The following PICALM variants were observed in gnomAD, a reference collection of about 807,000 sequenced individuals.
PICALM encodes phosphatidylinositol-binding clathrin assembly protein.
In PICALM, 40 loss-of-function variants were observed where a neutral mutation model predicts 80.5. That is an observed-to-expected ratio of 0.50 (90% CI 0.39 to 0.65). PICALM has a LOEUF of 0.65. Among genes scored for constraint, PICALM ranks in the 30% least tolerant of loss-of-function variants. PICALM has a pLI of 0.00. For synonymous variants in PICALM, 288 were observed against 260.3 expected, an observed-to-expected ratio of 1.11 and a Z score of -1.02; for missense variants, 676 against 778.9, an observed-to-expected ratio of 0.87 and a Z score of 1.57.
At chr11:86,020,424 G>GAAAAAAAA (rs34312370) in intron 4 of PICALM, among the ~76,000 whole-genome samples, 2 of 94,236 alleles carry the variant, frequency 2.1e-5, no homozygotes, top group Non-Finnish European at 4.1e-5. Context: ...ACAATCTTGG[G>GAAAAAAAA]AAAAAAAAAA....
At position 85,997,798 on chromosome 11, in the gene PICALM, T is replaced by G. The variant is rs138067556; in HGVS notation, c.1155-869A>C. ...TTTTTTTGTTGTTGTTTTGCTTTTT[T>G]TGAGACAAGAGTCTCACTCTGTTGT... On this transcript the variant is annotated intron_variant, in intron 11 of 19. Transcript: ENST00000393346. Among the ~76,000 whole-genome samples, 708 of 152,162 alleles carry G rather than the reference T, an allele frequency of 4.7e-3. 3 individuals carry two copies. The highest frequency in any genetic ancestry group is 0.016 in the African/African-American group (681 of 41,502).
At chr11:85,993,914 A>G (rs1482718833) in intron 12 of PICALM, among the ~76,000 whole-genome samples, 1 of 151,974 alleles carries the variant, frequency 6.6e-6, no homozygotes, top group Non-Finnish European at 1.5e-5. Flanking sequence ...GAGACAAGGT[A>G]TTGCTATATT....
At chr11:86,009,733 ACTAC>A (rs1225254772) in intron 7 of PICALM, among the ~76,000 whole-genome samples, 1 of 152,142 alleles carries the variant, frequency 6.6e-6, no homozygotes. Context: ...TGTAACTACA[ACTAC>A]CAAATGCAAA....
At chr11:86,036,020 T>C (rs1482081183) in intron 1 of PICALM, among the ~76,000 whole-genome samples, 1 of 151,068 alleles carries the variant, frequency 6.6e-6, no homozygotes, top group Non-Finnish European at 1.5e-5. Flanking sequence ...GCAAATTAAC[T>C]GGTTAATCAA....
rs865837693 is a variant in PICALM at position 86,061,351 on chromosome 11, A to G, written c.130+7300T>C. ...ATCTCAAAAAAAAAAAAAAAAAAAA[A>G]AAAAGAAAAGAAAAGACACATTTGA... On this transcript the variant is annotated intron_variant, in intron 1 of 19. Coordinates refer to ENST00000393346, the MANE Select transcript of PICALM (RefSeq NM_007166.4). Among the ~76,000 whole-genome samples the G allele has an allele frequency of 1.7e-3, 247 of 144,834 alleles. 2 individuals carry two copies. The highest frequency in any genetic ancestry group is 5.9e-3 in the African/African-American group (230 of 38,898).
chr11:86,018,888 T>TAAA (rs1255654900), intron 4 of PICALM, among the ~76,000 whole-genome samples: 1 of 55,672 alleles, frequency 1.8e-5, no homozygotes, highest in South Asian at 4.7e-4. Context: ...GACTCTGACT[T>TAAA]AAAAAAAAAA....
chr11:85,983,558 T>C (rs1406150276), intron 14 of PICALM, among the ~76,000 whole-genome samples: 1 of 151,832 alleles, frequency 6.6e-6, no homozygotes. Flanking sequence ...AAAAATTGTA[T>C]GCCTAAAAAG....
intron 14 of PICALM, 195 bp from the exon 15 acceptor site, chr11:85,982,198 T>G: frequency 1.9e-6 from 1 of 537,708 alleles, no homozygotes; most frequent in Non-Finnish European, 3.3e-6. Flanking sequence ...AAGGCTGTAT[T>G]TGCTTTGACA....
Position 86,015,045 on chromosome 11 carries a change from A to G in PICALM, c.453-82T>C, listed in dbSNP as rs1834072870. On this transcript the variant is annotated intron_variant, in intron 4 of 19. Coordinates refer to ENST00000393346, the MANE Select transcript of PICALM (RefSeq NM_007166.4). ...CAAACTCCCCCCCTGGTTTTCTACT[A>G]AAACAGAGAACCAAGTTGCTATGAA... is the stretch of plus-strand genomic sequence containing the variant. The G allele has an allele frequency of 9.1e-6, 7 of 771,934 alleles. No individual in the cohort carries two copies. The Admixed American group carries it at 2.2e-4, about 24-fold the overall frequency. 47.8% of individuals were successfully genotyped at this position (771,934 alleles called of 1,614,324 possible). A position where few individuals can be genotyped will look rare whatever the true frequency, so the allele number is the denominator to read the frequency against.
At chr11:85,966,626 AAAG>A (rs2093909391) in intron 19 of PICALM, among the ~76,000 whole-genome samples, 2 of 152,178 alleles carry the variant, frequency 1.3e-5, no homozygotes, top group Non-Finnish European at 2.9e-5. Context: ...TGACCCCCCA[AAAG>A]ATGTGTTGAA....
chr11:86,008,589 C>T (rs2095325518), intron 7 of PICALM, among the ~76,000 whole-genome samples: 1 of 151,522 alleles, frequency 6.6e-6, no homozygotes, highest in African/African-American at 2.4e-5. Context: ...CACCGCACTC[C>T]AGCCTGGGAA....
At chr11:86,040,209 A>G (rs937868701) in intron 1 of PICALM, among the ~76,000 whole-genome samples, 2 of 152,120 alleles carry the variant, frequency 1.3e-5, no homozygotes, top group South Asian at 2.1e-4. Context: ...ACTTTAAAAA[A>G]GGGGCTGTGG....
At chr11:86,026,159 T>C in intron 3 of PICALM, 133 bp downstream of exon 3, 1 of 593,012 alleles carries the variant, frequency 1.7e-6, no homozygotes. Context: ...AGACAGTTTT[T>C]TCTTTCCTAC....
intron 13 of PICALM, among the ~76,000 whole-genome samples, chr11:85,989,299 TTGTC>T (rs1179303658): frequency 2.6e-5 from 4 of 152,222 alleles, no homozygotes; most frequent in South Asian, 2.1e-4. Context: ...ACTTGGAACT[TTGTC>T]TGATCTACTA....
intron 1 of PICALM, among the ~76,000 whole-genome samples, chr11:86,044,245 C>T (rs1593284083): frequency 6.6e-6 from 1 of 152,122 alleles, no homozygotes; most frequent in East Asian, 1.9e-4. Context: ...TAGGAAGGAG[C>T]CCCACATAAA....
chr11:86,056,315 A>C (rs1188798707), intron 1 of PICALM, among the ~76,000 whole-genome samples: 1 of 149,692 alleles, frequency 6.7e-6, no homozygotes, highest in African/African-American at 2.5e-5. Context: ...GGTATCCAGA[A>C]TACATAAAGA....
At chr11:86,050,932 G>A (rs2096176135) in intron 1 of PICALM, among the ~76,000 whole-genome samples, 1 of 152,074 alleles carries the variant, frequency 6.6e-6, no homozygotes, top group Non-Finnish European at 1.5e-5. Flanking sequence ...AAGAAATACT[G>A]CCACCTCAGT....
chr11:85,959,995 C>T (rs1173658969), intron 19 of PICALM, among the ~76,000 whole-genome samples: 1 of 152,054 alleles, frequency 6.6e-6, no homozygotes, highest in African/African-American at 2.4e-5. Flanking sequence ...GCACAAATAC[C>T]ACAAGCAAAA....
chr11:85,995,136 T>G (rs545973629), intron 12 of PICALM, among the ~76,000 whole-genome samples: 1 of 152,332 alleles, frequency 6.6e-6, no homozygotes, highest in South Asian at 2.1e-4. Flanking sequence ...CTTTCTTGGC[T>G]TAAAGTACTC....
Sources: allele counts gnomAD v4.1 joint callset (sites outside exome capture counted in the v4.1 genomes callset), GRCh38; gene constraint gnomAD v4.1.1; transcripts MANE v1.5; gene names NCBI Gene and HGNC (gene_info 2026-07-23, HGNC 2026-07-21).